Variants in MAML3 observed in about 807,000 individuals in gnomAD.
The protein encoded by MAML3 is mastermind like transcriptional coactivator 3, also known as mastermind-like protein 3.
A neutral mutation model predicts 101.9 loss-of-function variants in MAML3; 27 were observed. That is an observed-to-expected ratio of 0.27 (90% CI 0.20 to 0.37). The LOEUF (loss-of-function observed/expected upper bound fraction) is 0.37, where lower values mean the gene tolerates loss of function less well. MAML3 is among the 10% of genes least tolerant of loss of function. The probability of loss-of-function intolerance (pLI) is 1.00; values close to 1 mark genes in which losing one functional copy is unlikely to be tolerated. For synonymous variants in MAML3, 501 were observed against 555.9 expected, an observed-to-expected ratio of 0.90 and a Z score of 1.39; for missense variants, 1,316 against 1,444.9, an observed-to-expected ratio of 0.91 and a Z score of 1.45.
intron 1 of MAML3, among the ~76,000 whole-genome samples, chr4:139,996,890 C>T (rs1734827910): frequency 6.6e-6 from 1 of 151,918 alleles, no homozygotes; most frequent in Non-Finnish European, 1.5e-5. Context: ...GAAACCCCAT[C>T]TCTACTAAAA....
intron 1 of MAML3, among the ~76,000 whole-genome samples, chr4:139,939,741 A>G (rs1733564865): frequency 6.7e-6 from 1 of 150,228 alleles, no homozygotes; most frequent in Non-Finnish European, 1.5e-5. Context: ...TTTTGTGCAC[A>G]GTAGGTTCTC....
intron 1 of MAML3, among the ~76,000 whole-genome samples, chr4:139,913,630 G>A (rs1732972803): frequency 6.6e-6 from 1 of 152,198 alleles, no homozygotes; most frequent in Non-Finnish European, 1.5e-5. Flanking sequence ...TTCAATGGCT[G>A]TGAGAGCAAA....
At chr4:139,739,863 A>G (rs903144413) in intron 2 of MAML3, among the ~76,000 whole-genome samples, 10 of 152,128 alleles carry the variant, frequency 6.6e-5, no homozygotes, top group Non-Finnish European at 1.2e-4. Flanking sequence ...ATTATTTTTA[A>G]AAGCTTGTTA....
intron 1 of MAML3, among the ~76,000 whole-genome samples, chr4:139,946,889 C>CCACACACACACACA (rs544250515): frequency 3.2e-5 from 4 of 126,914 alleles, no homozygotes; most frequent in Admixed American, 8.9e-5. Flanking sequence ...GCAGAGTAAG[C>CCACACACACACACA]CACACACACA....
intron 1 of MAML3, among the ~76,000 whole-genome samples, chr4:139,934,794 C>T (rs1733473631): frequency 6.6e-6 from 1 of 152,176 alleles, no homozygotes; most frequent in South Asian, 2.1e-4. Flanking sequence ...TGTTGTTTTT[C>T]TAAACCTCTT....
intron 1 of MAML3, among the ~76,000 whole-genome samples, chr4:140,001,090 G>A (rs895027565): frequency 6.6e-6 from 1 of 152,126 alleles, no homozygotes; most frequent in Non-Finnish European, 1.5e-5. Flanking sequence ...TGCAAAGCAA[G>A]TATGATCAAA....
rs986607831 is a variant in MAML3 at position 139,880,169 on chromosome 4, T to C, written c.2079+9188A>G. Among the ~76,000 whole-genome samples the C allele has an allele frequency of 3.4e-5, 5 of 146,356 alleles. No homozygotes were observed. The South Asian group carries it at 7.0e-4, about 20-fold the overall frequency. On this transcript the variant is annotated intron_variant, in intron 2 of 4. Coordinates refer to ENST00000509479, the MANE Select transcript of MAML3 (RefSeq NM_018717.5). ...GCCTGGGTGACAGAGTGAGACTCCA[T>C]CTCAAAATTGAAAAAAAAAAAACAA...
chr4:139,875,994 G>A (rs978905886), intron 2 of MAML3, among the ~76,000 whole-genome samples: 1 of 146,692 alleles, frequency 6.8e-6, no homozygotes, highest in Non-Finnish European at 1.5e-5. Context: ...CTGATTTTTG[G>A]TGTTTTTCTA....
intron 1 of MAML3, among the ~76,000 whole-genome samples, chr4:139,948,225 G>A (rs1184750256): frequency 6.6e-6 from 1 of 151,852 alleles, no homozygotes; most frequent in Non-Finnish European, 1.5e-5. Context: ...AATTTACAAA[G>A]GTAAATTAGA....
At chr4:139,911,258 C>T (rs994441772) in intron 1 of MAML3, among the ~76,000 whole-genome samples, 28 of 150,810 alleles carry the variant, frequency 1.9e-4, no homozygotes, top group African/African-American at 6.9e-4. Context: ...TGCTCTGTTG[C>T]CCAGGCTGCA....
At chr4:139,973,669 A>G (rs746333219) in intron 1 of MAML3, among the ~76,000 whole-genome samples, 6 of 152,216 alleles carry the variant, frequency 3.9e-5, no homozygotes, top group Non-Finnish European at 7.3e-5. Context: ...GGCCACCAAC[A>G]TCTGTGAATA....
intron 2 of MAML3, among the ~76,000 whole-genome samples, chr4:139,769,337 C>A (rs1024902130): frequency 8.5e-5 from 13 of 152,138 alleles, no homozygotes; most frequent in Admixed American, 8.5e-4. Flanking sequence ...CTCCTGAGAA[C>A]ACATCTCAGG....
At chr4:140,101,823 C>T (rs1386959531) in intron 1 of MAML3, among the ~76,000 whole-genome samples, 1 of 151,142 alleles carries the variant, frequency 6.6e-6, no homozygotes, top group African/African-American at 2.4e-5. Flanking sequence ...TTAGTAAATG[C>T]AATTCCACGT....
At chr4:139,946,322 C>T (rs941765237) in intron 1 of MAML3, among the ~76,000 whole-genome samples, 1 of 152,156 alleles carries the variant, frequency 6.6e-6, no homozygotes, top group Non-Finnish European at 1.5e-5. Flanking sequence ...TAGGGTGATT[C>T]TCTCAGATTC....
intron 2 of MAML3, among the ~76,000 whole-genome samples, chr4:139,872,503 G>GT (rs140680040): frequency 2.1e-3 from 323 of 152,286 alleles, no homozygotes; most frequent in African/African-American, 7.3e-3. Context: ...GAAATACTCA[G>GT]TAACAGGAAG....
At chr4:140,106,797 G>T (rs915225604) in intron 1 of MAML3, among the ~76,000 whole-genome samples, 2 of 152,172 alleles carry the variant, frequency 1.3e-5, no homozygotes, top group Non-Finnish European at 2.9e-5. Flanking sequence ...AAATATGAAG[G>T]CTTAGCAAAA....
chr4:139,954,417 T>C (rs1733882264), intron 1 of MAML3, among the ~76,000 whole-genome samples: 1 of 152,242 alleles, frequency 6.6e-6, no homozygotes, highest in African/African-American at 2.4e-5. Context: ...TGTGTTTCCG[T>C]GGAACACCTT....
At chr4:139,947,276 T>G (rs1733748354) in intron 1 of MAML3, among the ~76,000 whole-genome samples, 1 of 152,218 alleles carries the variant, frequency 6.6e-6, no homozygotes, top group Admixed American at 6.5e-5. Context: ...ATTTTCCTTC[T>G]TGCTCTTAAA....
intron 1 of MAML3, among the ~76,000 whole-genome samples, chr4:140,045,956 TAG>T (rs1727176277): frequency 6.6e-6 from 1 of 152,218 alleles, no homozygotes; most frequent in African/African-American, 2.4e-5. Flanking sequence ...AGAAAAAGAA[TAG>T]TATATGCAAA....
Sources: allele counts gnomAD v4.1 joint callset (sites outside exome capture counted in the v4.1 genomes callset), GRCh38; gene constraint gnomAD v4.1.1; transcripts MANE v1.5; gene names NCBI Gene and HGNC (gene_info 2026-07-23, HGNC 2026-07-21).